The following PDXDC1 variants were observed in gnomAD, a reference collection of about 807,000 sequenced individuals.
The protein encoded by PDXDC1 is pyridoxal-dependent decarboxylase domain-containing protein 1.
Under a neutral mutation model 100.1 loss-of-function variants are expected in PDXDC1, and 42 were observed. That is an observed-to-expected ratio of 0.42 (90% CI 0.33 to 0.54). PDXDC1 has a LOEUF of 0.54. Among genes scored for constraint, PDXDC1 ranks in the 20% least tolerant of loss-of-function variants. PDXDC1 has a pLI of 0.10. For missense variants in PDXDC1, 636 were observed against 979.2 expected, an observed-to-expected ratio of 0.65 and a Z score of 4.68; for synonymous variants, 260 against 371.7, an observed-to-expected ratio of 0.70 and a Z score of 3.46.
chr16:15,146,406 C>T, the PDXDC1 span, among the ~76,000 whole-genome samples: 2 of 152,178 alleles, frequency 1.3e-5, no homozygotes, highest in Admixed American at 6.5e-5. Flanking sequence ...CAGTGCCACT[C>T]GCCAGCTTAC....
chr16:15,032,001 AC>A, intron 17 of PDXDC1, 95 bp downstream of exon 17: 1 of 1,088,048 alleles, frequency 9.2e-7, no homozygotes, highest in Non-Finnish European at 1.3e-6. Flanking sequence ...TCCAAGATGA[AC>A]GTGTAGTCAC....
chr16:15,143,171 G>A (rs1435809300), downstream of PDXDC1, among the ~76,000 whole-genome samples: 4 of 152,180 alleles, frequency 2.6e-5, no homozygotes, highest in Non-Finnish European at 4.4e-5. Flanking sequence ...GGCAGGAGGA[G>A]TTAGGACCAT....
chr16:15,003,389 TG>T (rs1400832225), intron 4 of PDXDC1, among the ~76,000 whole-genome samples: 7 of 152,200 alleles, frequency 4.6e-5, no homozygotes, highest in African/African-American at 1.7e-4. Flanking sequence ...GCTAATTTTT[TG>T]TATTTTTAGT....
At chr16:15,146,540 A>T in the PDXDC1 span, among the ~76,000 whole-genome samples, 1 of 152,118 alleles carries the variant, frequency 6.6e-6, no homozygotes, top group Admixed American at 6.5e-5. Flanking sequence ...AGAGGTAGGC[A>T]CAAGCAGGAG....
intron 16 of PDXDC1, chr16:15,084,654 C>G (rs982430152): frequency 6.2e-7 from 1 of 1,610,104 alleles, no homozygotes; most frequent in Non-Finnish European, 8.5e-7. Context: ...TGGTACATAT[C>G]TTGCTATTAT....
chr16:15,009,717 A>G lies in PDXDC1; in HGVS notation c.685A>G (p.Ile229Val), dbSNP rs758214505. Reference sequence around the variant, plus strand: ...CCTGGAGAAACTGATTAAAGATGATATAGAGCGAGGAAGACTGCCCCTGTT... The same window carrying G: ...CCTGGAGAAACTGATTAAAGATGATGTAGAGCGAGGAAGACTGCCCCTGTT... Reference protein sequence around the residue: ...AFLEKLIKDDIERGRLPLLLV... With the variant: ...AFLEKLIKDDVERGRLPLLLV... The change falls in exon 8 of 23, where the codon ATA becomes GTA. Residue 229 changes from isoleucine to valine, a missense_variant. By Grantham distance (29) the Ile-to-Val change is conservative. Around this residue, in one of 4 missense-constraint regions of PDXDC1, gnomAD observed 125 missense variants for 479.9 expected, o/e 0.26. Coordinates refer to ENST00000396410, the MANE Select transcript of PDXDC1 (RefSeq NM_015027.4). The G allele has an allele frequency of 6.2e-7, 1 of 1,613,952 alleles. No individual in the cohort carries two copies. The highest frequency in any genetic ancestry group is 1.1e-5 in the South Asian group (1 of 91,068).
chr16:14,980,715 T>G (rs1967772135), intron 1 of PDXDC1, among the ~76,000 whole-genome samples: 1 of 152,286 alleles, frequency 6.6e-6, no homozygotes, highest in Non-Finnish European at 1.5e-5. Context: ...GACCTCCACC[T>G]CAGCCTCCCA....
chr16:14,980,866 C>T (rs1415681795), intron 1 of PDXDC1, among the ~76,000 whole-genome samples: 1 of 152,294 alleles, frequency 6.6e-6, no homozygotes, highest in Non-Finnish European at 1.5e-5. Context: ...TCCCAAAGTG[C>T]TGGGATTACA....
chr16:14,977,297 T>C, intron 1 of PDXDC1, among the ~76,000 whole-genome samples: 1 of 104,912 alleles, frequency 9.5e-6, no homozygotes, highest in East Asian at 2.9e-4. Flanking sequence ...TTTTTTTTTT[T>C]GAGAGGGAGT....
At chr16:15,089,616 T>C (rs79756102) in intron 16 of PDXDC1, among the ~76,000 whole-genome samples, 12 of 150,396 alleles carry the variant, frequency 8.0e-5, no homozygotes, top group South Asian at 2.1e-4. Flanking sequence ...CTGGCTAACA[T>C]GGTGAAACCC....
chr16:15,036,046 G>A lies in PDXDC1; in HGVS notation c.2138G>A (p.Gly713Asp). ...AAGCCTTTTAAAAGGTCCCTGCGAG[G>A]TTCAGATGCTTTGAGTGAGACCAGC... ...GQKPFKRSLR[G>D]SDALSETSSV... The change falls in exon 23 of 23, where the codon GGT becomes GAT. Residue 713 changes from glycine to aspartate, a missense_variant. Coordinates refer to ENST00000396410, the MANE Select transcript of PDXDC1 (RefSeq NM_015027.4). 6.2e-7 allele frequency: 1 copy of A among 1,614,116 alleles called. No individual in the cohort carries two copies. The highest frequency in any genetic ancestry group is 8.5e-7 in the Non-Finnish European group (1 of 1,180,006).
chr16:15,068,053 G>A (rs1279606970), intron 16 of PDXDC1: 7 of 1,110,598 alleles, frequency 6.3e-6, no homozygotes, highest in African/African-American at 3.2e-5. Flanking sequence ...CAGCCACCAC[G>A]CCTGGCCTTT....
chr16:15,034,958 T>C (rs1445457067), intron 21 of PDXDC1, among the ~76,000 whole-genome samples: 1 of 152,170 alleles, frequency 6.6e-6, no homozygotes, highest in African/African-American at 2.4e-5. Context: ...GCTGGCACGG[T>C]TTATTTTGAA....
the PDXDC1 span, among the ~76,000 whole-genome samples, chr16:15,145,458 G>T: frequency 6.6e-6 from 1 of 152,276 alleles, no homozygotes; most frequent in African/African-American, 2.4e-5. Flanking sequence ...CCAGAAGGAA[G>T]AGCTGGCTTC....
the PDXDC1 span, among the ~76,000 whole-genome samples, chr16:15,146,271 G>A: frequency 6.6e-6 from 1 of 152,088 alleles, no homozygotes; most frequent in African/African-American, 2.4e-5. Context: ...CTCAAGCTTG[G>A]CACAACCTCC....
At chr16:15,091,941 G>C (rs2046145907) in intron 16 of PDXDC1, among the ~76,000 whole-genome samples, 1 of 152,174 alleles carries the variant, frequency 6.6e-6, no homozygotes, top group African/African-American at 2.4e-5. Flanking sequence ...CACTTTGGGA[G>C]GCCAAGGCGG....
At chr16:15,020,975 A>AACACACACAC (rs66850292) in intron 12 of PDXDC1, among the ~76,000 whole-genome samples, 279 of 145,842 alleles carry the variant, frequency 1.9e-3, no homozygotes, top group Middle Eastern at 3.5e-3. Context: ...GCACCATCTA[A>AACACACACAC]ACACACACAC....
downstream of PDXDC1, among the ~76,000 whole-genome samples, chr16:15,040,888 G>C (rs1165308877): frequency 6.6e-6 from 1 of 152,134 alleles, no homozygotes; most frequent in Non-Finnish European, 1.5e-5. Flanking sequence ...CAGTTTTATA[G>C]GTAAAGCTTA....
At chr16:15,104,192 A>C (rs1257205468) in intron 16 of PDXDC1, 1 of 892,906 alleles carries the variant, frequency 1.1e-6, no homozygotes, top group Non-Finnish European at 1.5e-6. Context: ...AACAAATAAT[A>C]ATATTTTACA....
Sources: allele counts gnomAD v4.1 joint callset (sites outside exome capture counted in the v4.1 genomes callset), GRCh38; gene constraint gnomAD v4.1.1; regional missense constraint gnomAD v4.1.1; transcripts MANE v1.5; gene names NCBI Gene and HGNC (gene_info 2026-07-23, HGNC 2026-07-21).